TENM3: variants seen among roughly 807,000 people sequenced by gnomAD.
The protein encoded by TENM3 is teneurin transmembrane protein 3.
TENM3 carries 63 observed loss-of-function variants against 255.1 expected under a neutral mutation model. The ratio of observed to expected loss-of-function variants is 0.25; its 90% CI spans 0.20 to 0.30. The LOEUF is 0.30. Among genes scored for constraint, TENM3 ranks in the 10% least tolerant of loss-of-function variants. The pLI, the probability that TENM3 is intolerant of heterozygous loss-of-function variation, is 1.00. For synonymous variants in TENM3, 1,306 were observed against 1,322.3 expected (o/e 0.99, Z 0.27); for missense variants, 2,929 against 3,461.1 (o/e 0.85, Z 3.86).
chr4:182,512,146 TC>T (rs1183296022), intron 3 of TENM3, among the ~76,000 whole-genome samples: 1 of 152,192 alleles, frequency 6.6e-6, no homozygotes, highest in Non-Finnish European at 1.5e-5. Context: ...TTTTCTGTCT[TC>T]CTTGATAAGG....
At chr4:182,074,669 TGTTTG>T in the TENM3 span, among the ~76,000 whole-genome samples, 1 of 152,124 alleles carries the variant, frequency 6.6e-6, no homozygotes, top group South Asian at 2.1e-4. Flanking sequence ...GGGGTCAGAA[TGTTTG>T]GTTTGCAGGT....
chr4:182,501,306 A>G (rs10034371), intron 3 of TENM3, among the ~76,000 whole-genome samples: 84,431 of 150,252 alleles, frequency 0.56, 24,477 homozygotes, highest in African/African-American at 0.71. Flanking sequence ...GTAAAATGAA[A>G]AGAGAAAAAT....
the TENM3 span, among the ~76,000 whole-genome samples, chr4:181,594,393 G>T: frequency 2.6e-5 from 4 of 152,152 alleles, no homozygotes; most frequent in East Asian, 7.7e-4. Context: ...TCAAATCAAT[G>T]GTCCACTCTC....
chr4:181,947,384 A>G, the TENM3 span, among the ~76,000 whole-genome samples: 10 of 152,310 alleles, frequency 6.6e-5, no homozygotes, highest in African/African-American at 2.4e-4. Context: ...TTTATGATTC[A>G]CAAGCTAGAT....
At chr4:181,494,057 A>C in the TENM3 span, among the ~76,000 whole-genome samples, 1 of 152,136 alleles carries the variant, frequency 6.6e-6, no homozygotes, top group East Asian at 1.9e-4. Flanking sequence ...TGTTTCTTTT[A>C]TCTCTTTTAT....
the TENM3 span, among the ~76,000 whole-genome samples, chr4:181,584,863 A>C: frequency 6.6e-6 from 1 of 152,198 alleles, no homozygotes; most frequent in Non-Finnish European, 1.5e-5. Flanking sequence ...TTAGCAGCAG[A>C]AAGCAAAGGC....
chr4:181,775,840 T>C, the TENM3 span, among the ~76,000 whole-genome samples: 3 of 152,220 alleles, frequency 2.0e-5, no homozygotes, highest in Admixed American at 1.3e-4. Flanking sequence ...TAATATTTTG[T>C]TATATGCATA....
chr4:181,479,073 A>T, the TENM3 span, among the ~76,000 whole-genome samples: 1 of 152,316 alleles, frequency 6.6e-6, no homozygotes, highest in African/African-American at 2.4e-5. Context: ...TAATAGATAA[A>T]TACTTGGTGT....
At chr4:182,578,313 C>A (rs1236320189) in intron 3 of TENM3, among the ~76,000 whole-genome samples, 1 of 152,126 alleles carries the variant, frequency 6.6e-6, no homozygotes, top group African/African-American at 2.4e-5. Flanking sequence ...CAGTTCTAAT[C>A]GCCTACCCTG....
chr4:181,893,487 GCCCACCCCCCC>G, the TENM3 span, among the ~76,000 whole-genome samples: 1 of 74,690 alleles, frequency 1.3e-5, no homozygotes, highest in African/African-American at 4.1e-5. Flanking sequence ...ACTTTCCCCT[GCCCACCCCCCC>G]CCCACCCCCA....
the TENM3 span, among the ~76,000 whole-genome samples, chr4:181,623,259 ATAAT>A: frequency 6.6e-6 from 1 of 152,202 alleles, no homozygotes. Context: ...AATGGGGAAA[ATAAT>A]TAATACCTAC....
At chr4:182,135,170 C>A in the TENM3 span, among the ~76,000 whole-genome samples, 1 of 131,750 alleles carries the variant, frequency 7.6e-6, no homozygotes, top group Non-Finnish European at 1.5e-5. Context: ...CACACCACTG[C>A]GCTCCAGCCT....
the TENM3 span, among the ~76,000 whole-genome samples, chr4:181,934,670 A>G: frequency 1.3e-5 from 2 of 152,170 alleles, no homozygotes; most frequent in Non-Finnish European, 2.9e-5. Context: ...AAGAGGTCAT[A>G]TTAGGTCAAT....
chr4:181,831,497 G>T, the TENM3 span, among the ~76,000 whole-genome samples: 1 of 15,126 alleles, frequency 6.6e-5, no homozygotes. Flanking sequence ...TTGCCTATGT[G>T]CCAAAAAAAA....
the TENM3 span, among the ~76,000 whole-genome samples, chr4:182,012,459 G>A: frequency 6.6e-6 from 1 of 152,284 alleles, no homozygotes; most frequent in African/African-American, 2.4e-5. Context: ...CTGAACCAAA[G>A]GGATGGACGT....
the TENM3 span, among the ~76,000 whole-genome samples, chr4:181,639,942 G>A: frequency 5.9e-5 from 9 of 152,294 alleles, no homozygotes; most frequent in South Asian, 8.3e-4. Flanking sequence ...GCCAAGTGCC[G>A]TTTACAATGC....
At chr4:181,489,390 G>A in the TENM3 span, among the ~76,000 whole-genome samples, 1 of 152,214 alleles carries the variant, frequency 6.6e-6, no homozygotes, top group Non-Finnish European at 1.5e-5. Flanking sequence ...ATAGGTGTGT[G>A]TGTGTGTGCA....
At chr4:182,266,511 C>A (rs895433093) in intron 1 of TENM3, among the ~76,000 whole-genome samples, 1 of 151,920 alleles carries the variant, frequency 6.6e-6, no homozygotes, top group Non-Finnish European at 1.5e-5. Flanking sequence ...TTAATCTGCT[C>A]TTTCACAAAA....
At chr4:182,664,084 G>C (rs1754444406) in intron 6 of TENM3, among the ~76,000 whole-genome samples, 1 of 152,090 alleles carries the variant, frequency 6.6e-6, no homozygotes, top group South Asian at 2.1e-4. Flanking sequence ...CGTATTACAG[G>C]AAGATCTTAT....
Sources: allele counts gnomAD v4.1 joint callset (sites outside exome capture counted in the v4.1 genomes callset), GRCh38; gene constraint gnomAD v4.1.1; transcripts MANE v1.5; gene names NCBI Gene and HGNC (gene_info 2026-07-23, HGNC 2026-07-21).